The following PRR15 variants were observed in gnomAD, a reference collection of about 807,000 sequenced individuals.
PRR15 encodes proline-rich protein 15.
In PRR15, 4 loss-of-function variants were observed where a neutral mutation model predicts 3.0. That is an observed-to-expected ratio of 1.34 (90% CI 0.66 to 3.08). PRR15 has a LOEUF of 3.08. PRR15 is among the 30% of genes most tolerant of loss of function. The probability of loss-of-function intolerance (pLI) is 0.01; values close to 1 mark genes in which losing one functional copy is unlikely to be tolerated. For missense variants in PRR15, 200 were observed against 179.5 expected (o/e 1.11, Z -0.65); for synonymous variants, 82 against 79.8 (o/e 1.03, Z -0.14).
Position 29,566,234 on chromosome 7 carries a change from G to A in PRR15, c.-96G>A, listed in dbSNP as rs1792898551. ...CCCCGCAGCCCACGTGTGGCAAGCC[G>A]GGGAAGGGGTGGAGTGAACGGCCGG... On this transcript the variant is annotated 5_prime_UTR_variant, in exon 2 of 2. Coordinates refer to ENST00000319694, the MANE Select transcript of PRR15 (RefSeq NM_175887.3). The A allele has an allele frequency of 1.5e-6, 2 of 1,367,786 alleles. No homozygotes were observed. The highest frequency in any genetic ancestry group is 1.9e-6 in the Non-Finnish European group (2 of 1,032,116). The allele number at this position is 1,367,786 out of a possible 1,614,324, so 84.7% of individuals were successfully genotyped here.
rs756684799 is a variant in PRR15 at position 29,566,358 on chromosome 7, C to T, written c.29C>T (p.Ser10Phe). The change falls in exon 2 of 2, where the codon TCC becomes TTC. Residue 10 changes from serine to phenylalanine, a missense_variant. By Grantham distance (155) the Ser-to-Phe change is radical. Coordinates refer to ENST00000319694, the MANE Select transcript of PRR15 (RefSeq NM_175887.3). ...GCCGACAGCGGCGATGCTGGCAGCT[C>T]CGGCCCCTGGTGGAAATCGCTCACC... is the stretch of plus-strand genomic sequence containing the variant. Reference protein sequence around the residue: MADSGDAGSSGPWWKSLTNS... With the variant: MADSGDAGSFGPWWKSLTNS... 7 of 1,608,832 alleles carry T rather than the reference C, an allele frequency of 4.4e-6. No homozygotes were observed. Among genetic ancestry groups the T allele is most frequent in the East Asian group, 4.5e-5 (2 of 44,834 alleles).
In PRR15 at chr7:29,566,652, T is replaced by G. The variant is rs1171255319; in HGVS notation, c.323T>G (p.Leu108Arg). ...AAGAGGAAAGTGCGCGCCACGCTGC[T>G]CCCGGAGGCGGGCAGGTCCCCGGAG... Reference protein sequence around the residue: ...KEKRKVRATLLPEAGRSPEEA... With the variant: ...KEKRKVRATLRPEAGRSPEEA... Residue 108 changes from leucine to arginine, a missense_variant, in exon 2 of 2, where the codon CTC becomes CGC. Transcript: ENST00000319694. The G allele has an allele frequency of 2.5e-6, 4 of 1,584,152 alleles. No homozygotes were observed. In the African/African-American group the frequency reaches 5.4e-5, roughly 21 times the overall value.
intron 1 of PRR15, chr7:29,565,367 G>A (rs1792871034): frequency 6.6e-6 from 1 of 152,178 alleles, no homozygotes; most frequent in Non-Finnish European, 1.5e-5. Context: ...ACAAAACTAA[G>A]GGAAGAGGCC....
chr7:29,566,742 G>T lies in PRR15; in HGVS notation c.*23G>T, dbSNP rs774622218. 2 of 1,524,416 alleles carry T rather than the reference G, an allele frequency of 1.3e-6. No homozygotes were observed. The highest frequency in any genetic ancestry group is 4.9e-5 in the East Asian group (2 of 40,728). 94.4% of individuals were successfully genotyped at this position (1,524,416 alleles called of 1,614,324 possible). On this transcript the variant is annotated 3_prime_UTR_variant, in exon 2 of 2. Coordinates refer to ENST00000319694, the MANE Select transcript of PRR15 (RefSeq NM_175887.3). ...TAGCCCCAATAGCCTGCGCGCTCCAGGACTGCCTACCCAGCACTACCCCAA... is the reference window on the plus strand; with the variant it reads ...TAGCCCCAATAGCCTGCGCGCTCCATGACTGCCTACCCAGCACTACCCCAA...
At position 29,564,247 on chromosome 7, in the gene PRR15, G is replaced by C. The variant is rs567490732; in HGVS notation, c.-276G>C. On this transcript the variant is annotated 5_prime_UTR_variant, in exon 1 of 2. Coordinates refer to ENST00000319694, the MANE Select transcript of PRR15 (RefSeq NM_175887.3). ...GGAATTCCGACCTGTACACTTTCCA[G>C]AAGCCTGATCTCTCCAAGTCCGCGC... 59 of 152,434 alleles carry C rather than the reference G, an allele frequency of 3.9e-4. 1 individual carries two copies. Among genetic ancestry groups the C allele is most frequent in the African/African-American group, 1.4e-3 (57 of 41,576 alleles). 9.4% of individuals were successfully genotyped at this position (152,434 alleles called of 1,614,324 possible).
At chr7:29,566,109 A>C (rs1004602127) in intron 1 of PRR15, 76 bp from the exon 2 acceptor site, 1 of 608,580 alleles carries the variant, frequency 1.6e-6, no homozygotes, top group African/African-American at 1.9e-5. Context: ...GCCAGACAGC[A>C]TAAGGGAGGA....
chr7:29,566,727 A>C lies in PRR15; in HGVS notation c.*8A>C. On this transcript the variant is annotated 3_prime_UTR_variant, in exon 2 of 2. Transcript: ENST00000319694. ...CACGAGGACAAGCAGTAGCCCCAATAGCCTGCGCGCTCCAGGACTGCCTAC... is the reference window on the plus strand; with the variant it reads ...CACGAGGACAAGCAGTAGCCCCAATCGCCTGCGCGCTCCAGGACTGCCTAC... The C allele has an allele frequency of 6.5e-7, 1 of 1,544,048 alleles. No individual in the cohort carries two copies. Among genetic ancestry groups the C allele is most frequent in the Non-Finnish European group, 8.7e-7 (1 of 1,143,588 alleles).
rs1792899751 is a variant in PRR15, at chr7:29,566,277, G to C, written c.-53G>C. ...ACGGCCGGAGACCACGTGGAGAAAG[G>C]GGCCGCTTTGGCCCTTCCATCTGGG... is the stretch of plus-strand genomic sequence containing the variant. On this transcript the variant is annotated 5_prime_UTR_variant, in exon 2 of 2. Transcript: ENST00000319694. 1 of 1,526,622 alleles carries C rather than the reference G, an allele frequency of 6.6e-7. No homozygotes were observed. The highest frequency in any genetic ancestry group is 1.4e-5 in the African/African-American group (1 of 72,570). The allele number at this position is 1,526,622 out of a possible 1,614,324, so 94.6% of individuals were successfully genotyped here. A position where few individuals can be genotyped will look rare whatever the true frequency, so the allele number is the denominator to read the frequency against.
intron 1 of PRR15, among the ~76,000 whole-genome samples, chr7:29,564,931 T>C (rs1048739512): frequency 2.0e-5 from 3 of 152,220 alleles, no homozygotes; most frequent in African/African-American, 7.2e-5. Context: ...TTCCTCTCCC[T>C]GGCGGTTCCG....
intron 1 of PRR15, chr7:29,565,355 A>G (rs1349627478): frequency 6.6e-6 from 1 of 152,190 alleles, no homozygotes; most frequent in Admixed American, 6.5e-5. Context: ...GCATATTTTA[A>G]TACAAAACTA....
intron 1 of PRR15, among the ~76,000 whole-genome samples, chr7:29,565,040 G>A: frequency 6.6e-6 from 1 of 151,114 alleles, no homozygotes; most frequent in East Asian, 2.0e-4. Flanking sequence ...AAGGAGCCGA[G>A]CGGAAACCTG....
At position 29,566,536 on chromosome 7, in the gene PRR15, C is replaced by A. The variant is rs752841322; in HGVS notation, c.207C>A (p.Gly69=). 1.2e-6 allele frequency: 2 copies of A among 1,606,432 alleles called. No homozygotes were observed. The highest frequency in any genetic ancestry group is 1.3e-5 in the African/African-American group (1 of 74,788). The change falls in exon 2 of 2, where the codon GGC becomes GGA. Residue 69 remains glycine, a synonymous_variant. Transcript: ENST00000319694. The part of the protein sequence containing the change: ...NQHPNLLGGA[G]EPPKPDKLYG... ...ACCCCAATCTCCTCGGGGGCGCCGG[C>A]GAGCCCCCCAAACCAGACAAGTTAT...
At position 29,567,002 on chromosome 7, in the gene PRR15, T is replaced by C; in HGVS notation, c.*283T>C. 5.8e-6 allele frequency: 2 copies of C among 346,862 alleles called. No individual in the cohort carries two copies. The allele number at this position is 346,862 out of a possible 1,614,324, so 21.5% of individuals were successfully genotyped here. On this transcript the variant is annotated 3_prime_UTR_variant, in exon 2 of 2. Coordinates refer to ENST00000319694, the MANE Select transcript of PRR15 (RefSeq NM_175887.3). ...AATTATTTTTTTTTCAAAAAGCTAT[T>C]CTGGGGCCCTGGCCCCCTGGCTCCT...
rs1395102588 is a variant in PRR15 at position 29,566,564 on chromosome 7, G to A, written c.235G>A (p.Gly79Arg). 3 of 1,608,920 alleles carry A rather than the reference G, an allele frequency of 1.9e-6. No homozygotes were observed. The highest frequency in any genetic ancestry group is 1.3e-5 in the African/African-American group (1 of 74,774). Reference protein sequence around the residue: ...GEPPKPDKLYGDKSGSSRRNL... With the variant: ...GEPPKPDKLYRDKSGSSRRNL... ...GCCCCCCAAACCAGACAAGTTATAC[G>A]GGGACAAATCCGGCAGCAGCCGCCG... The change falls in exon 2 of 2, where the codon GGG becomes AGG. Residue 79 changes from glycine (G) to arginine (R), a missense_variant. Coordinates refer to ENST00000319694, the MANE Select transcript of PRR15 (RefSeq NM_175887.3).
rs940164703 is a variant in PRR15 at position 29,566,893 on chromosome 7, G to A, written c.*174G>A. Reference sequence around the variant, plus strand: ...TTCTGGAAATTGAAGTGTCAATTGGGTTCTCAATATTTCATGACTCCAAGG... The same window carrying A: ...TTCTGGAAATTGAAGTGTCAATTGGATTCTCAATATTTCATGACTCCAAGG... On this transcript the variant is annotated 3_prime_UTR_variant, in exon 2 of 2. Transcript: ENST00000319694. 1.6e-6 allele frequency: 1 copy of A among 641,726 alleles called. No homozygotes were observed. Among genetic ancestry groups the A allele is most frequent in the Admixed American group, 3.5e-5 (1 of 28,958 alleles). 39.8% of individuals were successfully genotyped at this position (641,726 alleles called of 1,614,324 possible).
chr7:29,564,644 A>T (rs1792844842), intron 1 of PRR15, among the ~76,000 whole-genome samples: 1 of 152,228 alleles, frequency 6.6e-6, no homozygotes, highest in African/African-American at 2.4e-5. Flanking sequence ...AAGCAGCATC[A>T]GGACACCTTA....
chr7:29,564,969 G>T lies in PRR15; in HGVS notation c.-146+592G>T, dbSNP rs74322351. ...AGGAGAACCTCCTACAACAAACACCGCCGAAGTTTCCCTCTCCAGCGCGAT... is the reference window on the plus strand; with the variant it reads ...AGGAGAACCTCCTACAACAAACACCTCCGAAGTTTCCCTCTCCAGCGCGAT... On this transcript the variant is annotated intron_variant, in intron 1 of 1. Transcript: ENST00000319694. Among the ~76,000 whole-genome samples the T allele has an allele frequency of 4.7e-4, 71 of 152,324 alleles. No individual in the cohort carries two copies. The East Asian group carries it at 0.012, about 27-fold the overall frequency.
rs1260670863 is a variant in PRR15 at position 29,566,763 on chromosome 7, C to A, written c.*44C>A. ...TCCAGGACTGCCTACCCAGCACTAC[C>A]CCAAACCCCCAGTTCCAAACCCGAG... On this transcript the variant is annotated 3_prime_UTR_variant, in exon 2 of 2. Transcript: ENST00000319694. 6.7e-7 allele frequency: 1 copy of A among 1,482,748 alleles called. No homozygotes were observed. The highest frequency in any genetic ancestry group is 2.5e-5 in the East Asian group (1 of 40,176). 91.8% of individuals were successfully genotyped at this position (1,482,748 alleles called of 1,614,324 possible). A position where few individuals can be genotyped will look rare whatever the true frequency, so the allele number is the denominator to read the frequency against.
rs767982399 is a variant in PRR15 at position 29,566,347 on chromosome 7, T to G, written c.18T>G (p.Asp6Glu). The part of the protein sequence containing the change: MADSG[D>E]AGSSGPWWKS... ...CTCCGGCCATGGCCGACAGCGGCGA[T>G]GCTGGCAGCTCCGGCCCCTGGTGGA... The change falls in exon 2 of 2, where the codon GAT (aspartate) becomes GAG (glutamate). Residue 6 changes from aspartate (D) to glutamate (E), a missense_variant. By Grantham distance (45) the Asp-to-Glu change is conservative. Coordinates refer to ENST00000319694, the MANE Select transcript of PRR15 (RefSeq NM_175887.3). 12 of 1,608,692 alleles carry G rather than the reference T, an allele frequency of 7.5e-6. No individual in the cohort carries two copies. The South Asian group carries it at 1.2e-4, about 16-fold the overall frequency.
Sources: allele counts gnomAD v4.1 joint callset (sites outside exome capture counted in the v4.1 genomes callset), GRCh38; gene constraint gnomAD v4.1.1; transcripts MANE v1.5; gene names NCBI Gene and HGNC (gene_info 2026-07-23, HGNC 2026-07-21).